The following CFAP43 variants were observed in gnomAD, a reference collection of about 807,000 sequenced individuals.
The protein encoded by CFAP43 is cilia and flagella associated protein 43.
CFAP43 carries 155 observed loss-of-function variants against 218.9 expected under a neutral mutation model. That is an observed-to-expected ratio of 0.71 (90% CI 0.62 to 0.81). The LOEUF (loss-of-function observed/expected upper bound fraction) is 0.81. CFAP43 is among the 30% of genes least tolerant of loss of function. The probability of loss-of-function intolerance (pLI) is 0.00; values close to 1 mark genes in which losing one functional copy is unlikely to be tolerated. For missense variants in CFAP43, 1,778 were observed against 1,954.3 expected, an observed-to-expected ratio of 0.91 and a Z score of 1.70; for synonymous variants, 645 against 681.3, an observed-to-expected ratio of 0.95 and a Z score of 0.83.
chr10:104,167,373 T>A (rs2089207824), intron 22 of CFAP43, among the ~76,000 whole-genome samples: 1 of 152,320 alleles, frequency 6.6e-6, no homozygotes, highest in Admixed American at 6.5e-5. Context: ...ACACCAAATC[T>A]CACTTTTTAA....
chr10:104,194,755 T>G (rs78687962), intron 10 of CFAP43, among the ~76,000 whole-genome samples: 1 of 152,248 alleles, frequency 6.6e-6, no homozygotes, highest in Non-Finnish European at 1.5e-5. Context: ...CTTTGTAGAT[T>G]GTTTTGAATA....
intron 10 of CFAP43, among the ~76,000 whole-genome samples, chr10:104,195,040 C>A (rs1049667730): frequency 7.2e-5 from 11 of 152,150 alleles, no homozygotes. Context: ...CATTCCAGGG[C>A]GATGGTGTGC....
intron 32 of CFAP43, among the ~76,000 whole-genome samples, chr10:104,142,608 T>C (rs1589626844): frequency 6.6e-6 from 1 of 152,238 alleles, no homozygotes; most frequent in East Asian, 1.9e-4. Flanking sequence ...AAATCAAGTA[T>C]GCAGGCAACT....
chr10:104,142,431 G>T (rs1268490533), intron 32 of CFAP43, 38 bp from the exon 33 acceptor site: 1 of 1,530,116 alleles, frequency 6.5e-7, no homozygotes, highest in East Asian at 2.3e-5. Context: ...AGAACATATG[G>T]AGCTTCAATT....
intron 35 of CFAP43, among the ~76,000 whole-genome samples, chr10:104,133,060 A>T (rs73331568): frequency 0.074 from 11,342 of 152,248 alleles, 994 homozygotes; most frequent in African/African-American, 0.21. Flanking sequence ...AAAAAGGCAA[A>T]CTAAGAAGAG....
intron 11 of CFAP43, 109 bp from the exon 12 acceptor site, chr10:104,192,411 G>A (rs1448629663): frequency 1.7e-5 from 14 of 824,848 alleles, no homozygotes; most frequent in East Asian, 1.1e-4. Flanking sequence ...TCATTTTTAC[G>A]GTTTGCAATT....
chr10:104,177,363 G>T (rs922801415), intron 19 of CFAP43, among the ~76,000 whole-genome samples: 25 of 152,190 alleles, frequency 1.6e-4, no homozygotes, highest in Non-Finnish European at 2.9e-4. Context: ...AGTGGTTAAT[G>T]AACCTGGAGA....
In CFAP43 at chr10:104,198,109, A is replaced by G; in HGVS notation, c.1096-71T>C. On this transcript the variant is annotated intron_variant, in intron 8 of 37. Coordinates refer to ENST00000357060, the MANE Select transcript of CFAP43 (RefSeq NM_025145.7). ...ATATAGTTCAACAAATATTTATTAA[A>G]TGCCTACTGTAACCAAGGCTCTATG... 4.5e-6 allele frequency: 4 copies of G among 887,432 alleles called. No homozygotes were observed. The East Asian group carries it at 7.5e-5, about 17-fold the overall frequency. The allele number at this position is 887,432 out of a possible 1,614,324, so 55.0% of individuals were successfully genotyped here. A position where few individuals can be genotyped will look rare whatever the true frequency, so the allele number is the denominator to read the frequency against.
intron 17 of CFAP43, 33 bp from the exon 18 acceptor site, chr10:104,179,965 T>A: frequency 6.4e-7 from 1 of 1,566,840 alleles, no homozygotes; most frequent in Non-Finnish European, 8.8e-7. Context: ...AGACATGTCT[T>A]AAAGTTAAAA....
At chr10:104,211,728 A>G (rs1299884994) in intron 5 of CFAP43, among the ~76,000 whole-genome samples, 1 of 151,856 alleles carries the variant, frequency 6.6e-6, no homozygotes, top group Non-Finnish European at 1.5e-5. Flanking sequence ...CAGCATCTCC[A>G]CCTAGGTGTC....
chr10:104,147,420 T>C (rs2088029620), intron 29 of CFAP43, among the ~76,000 whole-genome samples: 1 of 152,096 alleles, frequency 6.6e-6, no homozygotes, highest in Non-Finnish European at 1.5e-5. Context: ...GAACCATATC[T>C]ATCCAAGCTC....
intron 10 of CFAP43, among the ~76,000 whole-genome samples, chr10:104,196,114 T>C (rs1316776569): frequency 6.6e-6 from 1 of 152,118 alleles, no homozygotes; most frequent in African/African-American, 2.4e-5. Flanking sequence ...TGATGTGAGG[T>C]TGGCACCTGT....
rs910977915 is a variant in CFAP43 at position 104,166,525 on chromosome 10, G to A, written c.3002C>T (p.Ser1001Phe). ...SLLSSQLELHSREEKINQIIL... is the reference protein window; with the variant it reads ...SLLSSQLELHFREEKINQIIL... Reference sequence around the variant, plus strand: ...AATTTGGTTGATTTTCTCTTCTCTGGAATGAAGCTCCAATTGGCTTGACAA... The same window carrying A: ...AATTTGGTTGATTTTCTCTTCTCTGAAATGAAGCTCCAATTGGCTTGACAA... The change falls in exon 23 of 38, where the codon TCC becomes TTC. Residue 1001 changes from serine to phenylalanine, a missense_variant. By Grantham distance (155) the Ser-to-Phe change is radical. Around this residue, in one of 3 missense-constraint regions of CFAP43, gnomAD observed 1,553 missense variants for 1,685.2 expected, o/e 0.92. Coordinates refer to ENST00000357060, the MANE Select transcript of CFAP43 (RefSeq NM_025145.7). 8 of 1,613,712 alleles carry A rather than the reference G, an allele frequency of 5.0e-6. No homozygotes were observed. In the African/African-American group the frequency reaches 6.7e-5, roughly 13 times the overall value.
intron 10 of CFAP43, 106 bp from the exon 11 acceptor site, chr10:104,194,120 G>A: frequency 7.3e-7 from 1 of 1,375,484 alleles, no homozygotes; most frequent in Middle Eastern, 1.9e-4. Context: ...TGAGAAAAGT[G>A]GCAAGTGTTG....
intron 5 of CFAP43, 77 bp from the exon 6 acceptor site, chr10:104,207,901 T>C: frequency 1.4e-6 from 2 of 1,436,800 alleles, no homozygotes; most frequent in Non-Finnish European, 1.9e-6. Flanking sequence ...CCAGAACAAC[T>C]GACAAAAAGG....
intron 14 of CFAP43, among the ~76,000 whole-genome samples, chr10:104,186,911 G>GA (rs1276006000): frequency 6.6e-6 from 1 of 152,096 alleles, no homozygotes; most frequent in African/African-American, 2.4e-5. Flanking sequence ...AGAGTGTAAT[G>GA]AAAAAATGTC....
chr10:104,175,292 G>A (rs763253305), intron 19 of CFAP43, among the ~76,000 whole-genome samples: 1 of 152,076 alleles, frequency 6.6e-6, no homozygotes, highest in Non-Finnish European at 1.5e-5. Flanking sequence ...GGGCGTGGTG[G>A]TGCATGTCTG....
intron 3 of CFAP43, among the ~76,000 whole-genome samples, chr10:104,224,074 T>G (rs1589817157): frequency 6.6e-6 from 1 of 152,126 alleles, no homozygotes; most frequent in Non-Finnish European, 1.5e-5. Flanking sequence ...GATGGAGTCT[T>G]GCTCTGTCGC....
chr10:104,174,834 T>C (rs937952201), intron 19 of CFAP43, among the ~76,000 whole-genome samples: 23 of 151,238 alleles, frequency 1.5e-4, no homozygotes, highest in Admixed American at 6.6e-5. Flanking sequence ...GGTGGGCGCA[T>C]CATGAGGTCA....
Sources: allele counts gnomAD v4.1 joint callset (sites outside exome capture counted in the v4.1 genomes callset), GRCh38; gene constraint gnomAD v4.1.1; regional missense constraint gnomAD v4.1.1; transcripts MANE v1.5; gene names NCBI Gene and HGNC (gene_info 2026-07-23, HGNC 2026-07-21).